Variants in OR11A1 observed in about 807,000 individuals in gnomAD.
OR11A1 encodes olfactory receptor family 11 subfamily A member 1.
For missense variants in OR11A1, 380 were observed against 378.2 expected (o/e 1.00, Z -0.04); for synonymous variants, 158 against 152.2 (o/e 1.04, Z -0.28).
At chr6:29,440,751 A>G (rs2074464) in intron 1 of OR11A1, 903,552 of 1,613,232 alleles carry the variant, frequency 0.56, 254,968 homozygotes, top group South Asian at 0.63. Flanking sequence ...CCACCTGATC[A>G]TGGTCTCCCT....
chr6:29,429,343 C>T (rs1288852254), intron 3 of OR11A1, among the ~76,000 whole-genome samples: 1 of 152,180 alleles, frequency 6.6e-6, no homozygotes, highest in Non-Finnish European at 1.5e-5. Context: ...CTTATCTCTA[C>T]CAAGAATCCC....
At chr6:29,434,778 T>C (rs1783504256) in intron 1 of OR11A1, among the ~76,000 whole-genome samples, 1 of 152,220 alleles carries the variant, frequency 6.6e-6, no homozygotes, top group Non-Finnish European at 1.5e-5. Flanking sequence ...ATGTTTGTAT[T>C]GTTAATCACC....
At chr6:29,431,446 C>T (rs757656471) in intron 2 of OR11A1, among the ~76,000 whole-genome samples, 34 of 151,896 alleles carry the variant, frequency 2.2e-4, no homozygotes, top group Non-Finnish European at 4.6e-4. Flanking sequence ...AAGTATATCC[C>T]AGTTTTGTCA....
chr6:29,427,737 A>G lies in OR11A1; in HGVS notation c.-91-5T>C. The stretch of plus-strand genomic sequence containing the variant: ...CCAAGCCTAACGTTATTAGAGCTAA[A>G]ACAAAACAAAACAAAAAAGACAAAA... On this transcript the variant is annotated splice_region_variant and splice_polypyrimidine_tract_variant and intron_variant, in intron 4 of 4. Transcript: ENST00000377149. 6.9e-7 allele frequency: 1 copy of G among 1,456,394 alleles called. No individual in the cohort carries two copies. The highest frequency in any genetic ancestry group is 9.1e-7 in the Non-Finnish European group (1 of 1,104,412). 90.2% of individuals were successfully genotyped at this position (1,456,394 alleles called of 1,614,324 possible).
chr6:29,430,196 A>T lies in OR11A1; in HGVS notation c.-140+105T>A, dbSNP rs374941308. The T allele has an allele frequency of 3.5e-5, 26 of 749,694 alleles. No homozygotes were observed. In the African/African-American group the frequency reaches 4.8e-4, roughly 14 times the overall value. The allele number at this position is 749,694 out of a possible 1,614,324, so 46.4% of individuals were successfully genotyped here. ...TAACACCATGTCTTCCTTAACCTAAACCCATATGAATTGATCAGAGAAGAA... is the reference window on the plus strand; with the variant it reads ...TAACACCATGTCTTCCTTAACCTAATCCCATATGAATTGATCAGAGAAGAA... On this transcript the variant is annotated intron_variant, in intron 3 of 4. Coordinates refer to ENST00000377149, the MANE Select transcript of OR11A1 (RefSeq NM_001394828.1).
At chr6:29,440,233 C>T (rs1252276618) in intron 1 of OR11A1, 9 of 1,613,958 alleles carry the variant, frequency 5.6e-6, no homozygotes, top group East Asian at 2.2e-5. Context: ...ATTGGCTATA[C>T]GTCTGTCACG....
At chr6:29,431,825 T>C in intron 2 of OR11A1, 39 bp downstream of exon 2, 2 of 982,494 alleles carry the variant, frequency 2.0e-6, no homozygotes, top group Non-Finnish European at 2.4e-6. Context: ...AAAGAATCTG[T>C]GAACTAAGCT....
chr6:29,455,562 C>T (rs1290410817), intron 1 of OR11A1, among the ~76,000 whole-genome samples: 2 of 152,122 alleles, frequency 1.3e-5, no homozygotes, highest in Non-Finnish European at 2.9e-5. Flanking sequence ...AGAAAAGTAA[C>T]TGTGAGTTGA....
intron 4 of OR11A1, chr6:29,428,450 G>A: frequency 1.0e-6 from 1 of 974,036 alleles, no homozygotes; most frequent in African/African-American, 1.8e-5. Context: ...TAAGTTTTGA[G>A]GGCCAATTAA....
intron 1 of OR11A1, among the ~76,000 whole-genome samples, chr6:29,444,925 T>A (rs1391588673): frequency 3.3e-5 from 5 of 152,188 alleles, no homozygotes; most frequent in African/African-American, 1.2e-4. Flanking sequence ...ACTCCCTTCC[T>A]CAACTTCCCT....
intron 1 of OR11A1, chr6:29,440,280 C>T (rs11755182): frequency 4.7e-5 from 76 of 1,613,860 alleles, no homozygotes; most frequent in Non-Finnish European, 3.7e-5. Context: ...TACTGGCCGG[C>T]GCCACATCTC....
intron 1 of OR11A1, among the ~76,000 whole-genome samples, chr6:29,444,361 C>G (rs1297034841): frequency 1.3e-5 from 2 of 152,184 alleles, no homozygotes; most frequent in African/African-American, 2.4e-5. Flanking sequence ...AAGTCTTTAT[C>G]AGCAGTGTGA....
At chr6:29,456,375 TGGCG>T (rs1283250908) in intron 1 of OR11A1, among the ~76,000 whole-genome samples, 1 of 151,762 alleles carries the variant, frequency 6.6e-6, no homozygotes, top group Non-Finnish European at 1.5e-5. Flanking sequence ...CTGGGCGTGG[TGGCG>T]GGCGCCTGTA....
chr6:29,443,763 C>T (rs2151385995), intron 1 of OR11A1, among the ~76,000 whole-genome samples: 1 of 152,250 alleles, frequency 6.6e-6, no homozygotes, highest in South Asian at 2.1e-4. Context: ...CAAGTTTCCA[C>T]CTGAATTTGT....
chr6:29,432,825 C>T (rs1783316811), intron 1 of OR11A1, among the ~76,000 whole-genome samples: 1 of 151,996 alleles, frequency 6.6e-6, no homozygotes. Context: ...AACTTCAGCT[C>T]CACTTTCTCC....
At chr6:29,440,146 T>A (rs745702457) in intron 1 of OR11A1, 1 of 1,613,460 alleles carries the variant, frequency 6.2e-7, no homozygotes, top group African/African-American at 1.3e-5. Context: ...AATTTCCTCA[T>A]TGTGGTGCTG....
intron 1 of OR11A1, chr6:29,440,347 G>T: frequency 6.2e-7 from 1 of 1,614,014 alleles, no homozygotes; most frequent in South Asian, 1.1e-5. Flanking sequence ...GCCACGGAGT[G>T]CTGCCTCCTG....
chr6:29,429,519 G>C (rs1783099814), intron 3 of OR11A1, among the ~76,000 whole-genome samples: 1 of 152,162 alleles, frequency 6.6e-6, no homozygotes. Context: ...ACAGAAAATT[G>C]CAATACGCCA....
intron 1 of OR11A1, chr6:29,440,239 T>C (rs1784011796): frequency 6.2e-7 from 1 of 1,613,874 alleles, no homozygotes; most frequent in Non-Finnish European, 8.5e-7. Context: ...TATACGTCTG[T>C]CACGGTCCCC....
Sources: gnomAD v4.1 joint callset for allele counts (sites outside exome capture counted in the v4.1 genomes callset) on GRCh38, gnomAD v4.1.1 for gene constraint, MANE v1.5 for transcripts, NCBI Gene and HGNC (gene_info 2026-07-23, HGNC 2026-07-21) for gene names.